The following CACNA1E variants were observed in gnomAD, a reference collection of about 807,000 sequenced individuals.
CACNA1E encodes the protein calcium voltage-gated channel subunit alpha1 E.
Under a neutral mutation model 259.2 loss-of-function variants are expected in CACNA1E, and 40 were observed. The ratio of observed to expected loss-of-function variants is 0.15; its 90% CI spans 0.12 to 0.20. The LOEUF (loss-of-function observed/expected upper bound fraction) is 0.20, where lower values mean the gene tolerates loss of function less well. CACNA1E is among the 10% of genes least tolerant of loss of function. CACNA1E has a pLI of 1.00. For missense variants in CACNA1E, 1,874 were observed against 3,040.1 expected (o/e 0.62, Z 9.02); for synonymous variants, 1,104 against 1,138.5 (o/e 0.97, Z 0.61).
rs563767644 is a variant in CACNA1E, at chr1:181,609,152, G to A, written c.951+28376G>A. Among the ~76,000 whole-genome samples the A allele has an allele frequency of 1.4e-4, 22 of 152,332 alleles. 1 individual carries two copies. The South Asian group carries it at 2.3e-3, about 16-fold the overall frequency. Reference sequence around the variant, plus strand: ...CGCCAGTCTCTACCTTTGTTGTAATGCCAATTCTTATTTAATGTCTGCCAA... The same window carrying A: ...CGCCAGTCTCTACCTTTGTTGTAATACCAATTCTTATTTAATGTCTGCCAA... On this transcript the variant is annotated intron_variant, in intron 6 of 47. Transcript: ENST00000367573.
intron 2 of CACNA1E, among the ~76,000 whole-genome samples, chr1:181,476,347 G>T (rs1324564056): frequency 2.6e-5 from 4 of 152,126 alleles, no homozygotes; most frequent in Non-Finnish European, 5.9e-5. Context: ...GGAGAGAGAG[G>T]GTGTGGTGAT....
chr1:181,635,018 G>A (rs1017137031), intron 6 of CACNA1E, among the ~76,000 whole-genome samples: 2 of 152,062 alleles, frequency 1.3e-5, no homozygotes, highest in African/African-American at 4.8e-5. Flanking sequence ...ATGACCTGGC[G>A]TTCAGAGGAC....
rs1427156357 is a variant in CACNA1E, at chr1:181,798,597, G to T, written c.6705G>T (p.Leu2235=). 3 of 1,613,348 alleles carry T rather than the reference G, an allele frequency of 1.9e-6. No homozygotes were observed. The Admixed American group carries it at 5.0e-5, about 27-fold the overall frequency. Residue 2235 remains leucine, a synonymous_variant, in exon 48 of 48, where the codon CTG becomes CTT. Coordinates refer to ENST00000367573, the MANE Select transcript of CACNA1E (RefSeq NM_001205293.3). This position sits in a 1 kb window ranked among gnomAD's most constrained non-coding sequence, Gnocchi z 4.2. ...ACATCTCCGAGCCCTACTTGGCCCT[G>T]CACGAAGACTCCCACGCCTCAGACT... ...QRYISEPYLA[L]HEDSHASDCG... is the part of the protein sequence containing the mutation.
intron 6 of CACNA1E, among the ~76,000 whole-genome samples, chr1:181,636,077 A>G (rs899364346): frequency 6.6e-6 from 1 of 152,222 alleles, no homozygotes; most frequent in African/African-American, 2.4e-5. Flanking sequence ...ATAATGACCT[A>G]TTCATTTATT....
chr1:181,694,779 A>G (rs1558275030), intron 7 of CACNA1E, among the ~76,000 whole-genome samples: 1 of 152,218 alleles, frequency 6.6e-6, no homozygotes, highest in South Asian at 2.1e-4. Flanking sequence ...ATCATACTTA[A>G]TGAAATATTA....
chr1:181,566,766 G>C (rs958313236), intron 3 of CACNA1E, among the ~76,000 whole-genome samples: 1 of 152,148 alleles, frequency 6.6e-6, no homozygotes, highest in Non-Finnish European at 1.5e-5. Flanking sequence ...CTTTAATCAG[G>C]CTATTAAGCA....
chr1:181,781,386 G>A (rs769184455), intron 38 of CACNA1E, 41 bp from the exon 39 acceptor site: 21 of 983,900 alleles, frequency 2.1e-5, no homozygotes, highest in Non-Finnish European at 2.9e-5. Context: ...CCACTGCCCC[G>A]CTAACCCACC....
intron 2 of CACNA1E, among the ~76,000 whole-genome samples, chr1:181,475,058 G>A (rs994808095): frequency 6.6e-6 from 1 of 152,208 alleles, no homozygotes; most frequent in Non-Finnish European, 1.5e-5. Flanking sequence ...TCTAGTCAGA[G>A]CTAGAATGTG....
At chr1:181,607,095 A>G (rs1027972532) in intron 6 of CACNA1E, among the ~76,000 whole-genome samples, 1 of 152,122 alleles carries the variant, frequency 6.6e-6, no homozygotes, top group Non-Finnish European at 1.5e-5. Context: ...TGTCCTGTTC[A>G]CTGTGGTGTC....
intron 2 of CACNA1E, among the ~76,000 whole-genome samples, chr1:181,476,691 C>T (rs575969178): frequency 1.6e-4 from 24 of 152,194 alleles, no homozygotes; most frequent in Non-Finnish European, 2.6e-4. Context: ...TGAGCCCACC[C>T]GGGCTGAACG....
At chr1:181,522,727 C>G (rs1034246498) in intron 3 of CACNA1E, among the ~76,000 whole-genome samples, 1 of 152,074 alleles carries the variant, frequency 6.6e-6, no homozygotes, top group Non-Finnish European at 1.5e-5. Context: ...ATAGAGAATC[C>G]CAGTTCCCTT....
intron 28 of CACNA1E, 119 bp from the exon 29 acceptor site, chr1:181,755,837 T>G: frequency 9.3e-7 from 1 of 1,074,836 alleles, no homozygotes. Context: ...TCCTTTTGCC[T>G]TACACATGTA....
At chr1:181,676,658 T>C (rs759491777) in intron 7 of CACNA1E, among the ~76,000 whole-genome samples, 1 of 152,184 alleles carries the variant, frequency 6.6e-6, no homozygotes, top group Admixed American at 6.5e-5. Flanking sequence ...CTCCAACGAA[T>C]AGCTGTTTGG....
intron 18 of CACNA1E, among the ~76,000 whole-genome samples, chr1:181,730,885 G>A (rs1415237688): frequency 6.6e-6 from 1 of 152,220 alleles, no homozygotes; most frequent in Non-Finnish European, 1.5e-5. Flanking sequence ...TGCCTGTGAG[G>A]CATGGTGTTT....
At chr1:181,641,039 A>G (rs1657699344) in intron 6 of CACNA1E, among the ~76,000 whole-genome samples, 1 of 152,218 alleles carries the variant, frequency 6.6e-6, no homozygotes, top group Non-Finnish European at 1.5e-5. Context: ...TCTGTTTTCT[A>G]TTATAGGTAT....
At chr1:181,351,490 A>C (rs1462663452) in intron 1 of CACNA1E, among the ~76,000 whole-genome samples, 1 of 152,214 alleles carries the variant, frequency 6.6e-6, no homozygotes, top group Non-Finnish European at 1.5e-5. Context: ...TGTCTGCTCT[A>C]ACAAATTACT....
At chr1:181,504,735 C>T (rs529349452) in intron 1 of CACNA1E, among the ~76,000 whole-genome samples, 11 of 152,328 alleles carry the variant, frequency 7.2e-5, no homozygotes, top group African/African-American at 2.4e-4. Flanking sequence ...GTGCAGGCCA[C>T]GTCGTGCTGC....
intron 27 of CACNA1E, among the ~76,000 whole-genome samples, chr1:181,753,707 A>T (rs966609416): frequency 4.6e-5 from 7 of 152,074 alleles, no homozygotes; most frequent in Non-Finnish European, 8.8e-5. Flanking sequence ...TTGAATTCTC[A>T]TCACCTCTGA....
At chr1:181,401,208 T>C (rs931497807) in intron 1 of CACNA1E, among the ~76,000 whole-genome samples, 1 of 152,178 alleles carries the variant, frequency 6.6e-6, no homozygotes, top group African/African-American at 2.4e-5. Flanking sequence ...GTCACCTTCT[T>C]GGTGAGGCCT....
Sources: gnomAD v4.1 joint callset for allele counts (sites outside exome capture counted in the v4.1 genomes callset) on GRCh38, gnomAD v4.1.1 for gene constraint, Gnocchi (gnomAD v3.1) non-coding constraint, MANE v1.5 for transcripts, NCBI Gene and HGNC (gene_info 2026-07-23, HGNC 2026-07-21) for gene names.